Variants in ST3GAL6 observed in about 807,000 individuals in gnomAD.
ST3GAL6 encodes the protein type 2 lactosamine alpha-2,3-sialyltransferase.
Under a neutral mutation model 40.5 loss-of-function variants are expected in ST3GAL6, and 31 were observed. The observed-to-expected ratio is 0.77, with a 90% CI of 0.58 to 1.03. The LOEUF is 1.03. Among genes scored for constraint, ST3GAL6 ranks in the 50% least tolerant of loss-of-function variants. The pLI, the probability that ST3GAL6 is intolerant of heterozygous loss-of-function variation, is 0.00. For missense variants in ST3GAL6, 357 were observed against 393.2 expected (o/e 0.91, Z 0.78); for synonymous variants, 129 against 136.9 (o/e 0.94, Z 0.40).
chr3:98,782,880 A>C, intron 5 of ST3GAL6: 1 of 449,206 alleles, frequency 2.2e-6, no homozygotes, highest in East Asian at 6.3e-5. Flanking sequence ...TCTGAGATAA[A>C]AGGGGATCTC....
intron 8 of ST3GAL6, among the ~76,000 whole-genome samples, chr3:98,790,376 A>C (rs1027004280): frequency 6.6e-6 from 1 of 152,194 alleles, no homozygotes; most frequent in Non-Finnish European, 1.5e-5. Flanking sequence ...AATGTGAGTA[A>C]AGATACAGGT....
intron 6 of ST3GAL6, among the ~76,000 whole-genome samples, chr3:98,786,391 G>A (rs553036850): frequency 6.6e-6 from 1 of 152,326 alleles, no homozygotes; most frequent in Admixed American, 6.5e-5. Context: ...AAGTGTTCCA[G>A]GACAGAAGGA....
chr3:98,748,934 A>G (rs902075322), intron 1 of ST3GAL6, among the ~76,000 whole-genome samples: 1 of 152,154 alleles, frequency 6.6e-6, no homozygotes, highest in Non-Finnish European at 1.5e-5. Context: ...TCCTTCAGAG[A>G]CACTTCCTGT....
intron 1 of ST3GAL6, among the ~76,000 whole-genome samples, chr3:98,755,810 A>C: frequency 2.3e-5 from 1 of 43,838 alleles, no homozygotes; most frequent in African/African-American, 8.6e-5. Context: ...GATTTTTTTC[A>C]TTTTTTTTTT....
intron 1 of ST3GAL6, among the ~76,000 whole-genome samples, chr3:98,751,011 G>A (rs974935923): frequency 6.6e-6 from 1 of 151,380 alleles, no homozygotes; most frequent in African/African-American, 2.4e-5. Flanking sequence ...CAGTGCTTGA[G>A]GTTTCTTTAC....
At chr3:98,769,441 A>G (rs981182642) in intron 2 of ST3GAL6, among the ~76,000 whole-genome samples, 1 of 152,240 alleles carries the variant, frequency 6.6e-6, no homozygotes, top group African/African-American at 2.4e-5. Context: ...AATGAGGACT[A>G]CATCAAGGGG....
At chr3:98,771,709 ACT>A (rs1264957623) in intron 3 of ST3GAL6, among the ~76,000 whole-genome samples, 1 of 151,926 alleles carries the variant, frequency 6.6e-6, no homozygotes, top group Non-Finnish European at 1.5e-5. Flanking sequence ...CAATCAATCA[ACT>A]CTCTGGAAAA....
Position 98,794,430 on chromosome 3 carries a change from T to TTTAAC in ST3GAL6, c.*670_*671insTAACT, listed in dbSNP as rs1941446700. The TTTAAC allele has an allele frequency of 6.6e-6, 1 of 151,866 alleles. No homozygotes were observed. The highest frequency in any genetic ancestry group is 2.1e-4 in the South Asian group (1 of 4,832). The allele number at this position is 151,866 out of a possible 1,614,324, so 9.4% of individuals were successfully genotyped here. ...TTGTATTATTTTAAAGAAATGAAGT[T>TTTAAC]TAACTTTATACAGTGAAGCTAAGCT... On this transcript the variant is annotated 3_prime_UTR_variant, in exon 10 of 10. Coordinates refer to ENST00000483910, the MANE Select transcript of ST3GAL6 (RefSeq NM_001323368.2).
At chr3:98,757,123 A>G (rs1180591996) in intron 1 of ST3GAL6, among the ~76,000 whole-genome samples, 1 of 152,232 alleles carries the variant, frequency 6.6e-6, no homozygotes, top group Admixed American at 6.5e-5. Context: ...TCTAGAGTTC[A>G]GATGTCTACC....
At chr3:98,771,284 T>G in intron 3 of ST3GAL6, 2 of 628,150 alleles carry the variant, frequency 3.2e-6, no homozygotes, top group Non-Finnish European at 4.7e-6. Flanking sequence ...CATGTTATTT[T>G]CCACCCTTAT....
chr3:98,778,488 AG>A, intron 5 of ST3GAL6, among the ~76,000 whole-genome samples: 1 of 152,340 alleles, frequency 6.6e-6, no homozygotes, highest in East Asian at 1.9e-4. Context: ...GGAGAGCTTG[AG>A]GATGAGGGGA....
chr3:98,788,466 A>G lies in ST3GAL6; in HGVS notation c.756+3A>G. On this transcript the variant is annotated splice_donor_region_variant and intron_variant, in intron 8 of 9. Coordinates refer to ENST00000483910, the MANE Select transcript of ST3GAL6 (RefSeq NM_001323368.2). ...CAAAAGTGTTTCCCAAAAATCAGGT[A>G]TGTATTTATCTCTGCATGGTTTCAA... 1 of 1,605,308 alleles carries G rather than the reference A, an allele frequency of 6.2e-7. No homozygotes were observed. The highest frequency in any genetic ancestry group is 8.5e-7 in the Non-Finnish European group (1 of 1,176,508).
At chr3:98,738,739 G>T (rs1185577376) in intron 1 of ST3GAL6, among the ~76,000 whole-genome samples, 1 of 152,196 alleles carries the variant, frequency 6.6e-6, no homozygotes, top group Non-Finnish European at 1.5e-5. Context: ...AAGAGACTTA[G>T]ATTTCCACAC....
At chr3:98,774,166 A>G (rs149150269) in intron 5 of ST3GAL6, among the ~76,000 whole-genome samples, 183 bp downstream of exon 5, 70 of 152,334 alleles carry the variant, frequency 4.6e-4, no homozygotes, top group African/African-American at 1.7e-3. Context: ...ACGCTGCATA[A>G]CTGGTTGGCT....
chr3:98,767,379 T>C (rs1257091935), intron 1 of ST3GAL6, among the ~76,000 whole-genome samples: 1 of 152,138 alleles, frequency 6.6e-6, no homozygotes, highest in Admixed American at 6.5e-5. Context: ...CATTTGAACA[T>C]ATTTACCATT....
intron 1 of ST3GAL6, among the ~76,000 whole-genome samples, chr3:98,747,150 C>G (rs950970488): frequency 6.6e-6 from 1 of 152,136 alleles, no homozygotes; most frequent in Non-Finnish European, 1.5e-5. Flanking sequence ...TCCAGAGAAA[C>G]CTTGGTTTGT....
At chr3:98,753,628 C>T (rs1937192017) in intron 1 of ST3GAL6, among the ~76,000 whole-genome samples, 1 of 152,196 alleles carries the variant, frequency 6.6e-6, no homozygotes, top group South Asian at 2.1e-4. Flanking sequence ...AAGTTGAAGC[C>T]AGTACTCATT....
chr3:98,753,924 A>G (rs1233110795), intron 1 of ST3GAL6, among the ~76,000 whole-genome samples: 4 of 152,340 alleles, frequency 2.6e-5, no homozygotes, highest in East Asian at 1.9e-4. Context: ...TCAAAATATT[A>G]TTGCTCTACA....
At chr3:98,745,759 C>T (rs1936492339) in intron 1 of ST3GAL6, among the ~76,000 whole-genome samples, 1 of 152,094 alleles carries the variant, frequency 6.6e-6, no homozygotes, top group African/African-American at 2.4e-5. Flanking sequence ...AAGTATTTTG[C>T]CCTTGGAGGA....
Sources: gnomAD v4.1 joint callset for allele counts (sites outside exome capture counted in the v4.1 genomes callset) on GRCh38, gnomAD v4.1.1 for gene constraint, MANE v1.5 for transcripts, NCBI Gene and HGNC (gene_info 2026-07-23, HGNC 2026-07-21) for gene names.